TBC1D19: variants seen among roughly 807,000 people sequenced by gnomAD.
The protein encoded by TBC1D19 is TBC1 domain family, member 19.
A neutral mutation model predicts 89.0 loss-of-function variants in TBC1D19; 60 were observed. That is an observed-to-expected ratio of 0.67 (90% CI 0.55 to 0.84). The LOEUF (loss-of-function observed/expected upper bound fraction) is 0.84. Ranked by LOEUF, TBC1D19 falls within the 40% of genes least tolerant of loss-of-function variation. The probability of loss-of-function intolerance (pLI) is 0.00; values close to 1 mark genes in which losing one functional copy is unlikely to be tolerated. For missense variants in TBC1D19, 500 were observed against 610.8 expected, an observed-to-expected ratio of 0.82 and a Z score of 1.91; for synonymous variants, 189 against 199.7, an observed-to-expected ratio of 0.95 and a Z score of 0.45.
intron 13 of TBC1D19, among the ~76,000 whole-genome samples, chr4:26,708,910 C>A (rs1401547138): frequency 2.0e-5 from 3 of 150,892 alleles, no homozygotes; most frequent in Non-Finnish European, 4.4e-5. Context: ...TTTTGAGAAT[C>A]TATGGACAGT....
chr4:26,613,976 C>T (rs555612264), intron 2 of TBC1D19, among the ~76,000 whole-genome samples: 1 of 152,182 alleles, frequency 6.6e-6, no homozygotes, highest in African/African-American at 2.4e-5. Flanking sequence ...TAATCTGCCT[C>T]TGTCGTCCAG....
chr4:26,657,849 T>A (rs1350866430), intron 7 of TBC1D19, among the ~76,000 whole-genome samples: 1 of 152,258 alleles, frequency 6.6e-6, no homozygotes, highest in Admixed American at 6.5e-5. Flanking sequence ...ATGATGAGCA[T>A]TTTTTATATG....
intron 8 of TBC1D19, among the ~76,000 whole-genome samples, chr4:26,664,345 A>G (rs187718641): frequency 1.7e-3 from 255 of 152,288 alleles, no homozygotes; most frequent in Admixed American, 4.4e-3. Context: ...GTCCAGAGCA[A>G]TGAAGTAGGA....
intron 1 of TBC1D19, among the ~76,000 whole-genome samples, chr4:26,602,855 C>A (rs1379052649): frequency 1.3e-5 from 2 of 151,846 alleles, no homozygotes; most frequent in Non-Finnish European, 2.9e-5. Context: ...TACATCTCAT[C>A]CCTTGAATAC....
chr4:26,829,721 G>A, the TBC1D19 span, among the ~76,000 whole-genome samples: 1 of 152,182 alleles, frequency 6.6e-6, no homozygotes, highest in South Asian at 2.1e-4. Context: ...TTAGAGGCAG[G>A]TAAGGTTTGT....
At chr4:26,655,693 G>C (rs989836966) in intron 7 of TBC1D19, among the ~76,000 whole-genome samples, 3 of 152,188 alleles carry the variant, frequency 2.0e-5, no homozygotes, top group Non-Finnish European at 4.4e-5. Flanking sequence ...ACAATATCCT[G>C]GTGTGCCGTT....
the TBC1D19 span, among the ~76,000 whole-genome samples, chr4:26,767,608 A>G: frequency 6.6e-6 from 1 of 152,208 alleles, no homozygotes; most frequent in East Asian, 1.9e-4. Context: ...TGGTGGCACT[A>G]TAAGGCAAGA....
In TBC1D19 at chr4:26,745,718, G is replaced by A. The variant is rs149670166; in HGVS notation, c.1320-2693G>A. 5.3e-5 allele frequency among the ~76,000 whole-genome samples: 8 copies of A among 151,696 alleles called. No homozygotes were observed. The East Asian group carries it at 1.6e-3, about 29-fold the overall frequency. ...GTAGAGACGGGGTTTCACCATGTTG[G>A]CCAGACTGGTCTCGGACTCCTGACC... On this transcript the variant is annotated intron_variant, in intron 18 of 20. Transcript: ENST00000264866.
At chr4:26,791,494 A>G in the TBC1D19 span, among the ~76,000 whole-genome samples, 1 of 152,158 alleles carries the variant, frequency 6.6e-6, no homozygotes, top group African/African-American at 2.4e-5. Context: ...GATTGAAAGG[A>G]TCACTCTGCC....
chr4:26,858,554 A>C, the TBC1D19 span: 1 of 152,274 alleles, frequency 6.6e-6, no homozygotes, highest in Non-Finnish European at 1.5e-5. Flanking sequence ...AGAAGCATAT[A>C]TAATTCTAGG....
At chr4:26,783,626 G>A in the TBC1D19 span, among the ~76,000 whole-genome samples, 2 of 152,270 alleles carry the variant, frequency 1.3e-5, no homozygotes, top group South Asian at 4.2e-4. Flanking sequence ...TTATGCAAAA[G>A]AACTTGTCAT....
At chr4:26,735,683 T>C (rs1718003760) in intron 16 of TBC1D19, among the ~76,000 whole-genome samples, 196 bp downstream of exon 16, 1 of 152,004 alleles carries the variant, frequency 6.6e-6, no homozygotes, top group African/African-American at 2.4e-5. Flanking sequence ...CATTAGAAAA[T>C]TGAACAAAAA....
chr4:26,703,948 G>A (rs1477298306), intron 13 of TBC1D19, among the ~76,000 whole-genome samples: 1 of 122,382 alleles, frequency 8.2e-6, no homozygotes, highest in African/African-American at 3.3e-5. Context: ...GCAAAAGAGT[G>A]AGACTCCGTC....
chr4:26,848,208 A>G, the TBC1D19 span, among the ~76,000 whole-genome samples: 1 of 152,220 alleles, frequency 6.6e-6, no homozygotes, highest in Non-Finnish European at 1.5e-5. Context: ...GGGTCTGAAT[A>G]GAATGAAACG....
At position 26,640,057 on chromosome 4, in the gene TBC1D19, CAT is replaced by C. The variant is rs112884183; in HGVS notation, c.434-83_434-82del. ...TTGAATTAATCTATCTGTATGATAACATGTGAAAGAATGATTAACATTTATTT... is the reference window on the plus strand; with the variant it reads ...TTGAATTAATCTATCTGTATGATAACGTGAAAGAATGATTAACATTTATTT... On this transcript the variant is annotated intron_variant, in intron 6 of 20. Transcript: ENST00000264866. The C allele has an allele frequency of 3.5e-4, 323 of 934,918 alleles. 1 individual carries two copies. The African/African-American group carries it at 4.4e-3, about 13-fold the overall frequency. The allele number at this position is 934,918 out of a possible 1,614,324, so 57.9% of individuals were successfully genotyped here. A position where few individuals can be genotyped will look rare whatever the true frequency, so the allele number is the denominator to read the frequency against.
chr4:26,764,235 T>C, the TBC1D19 span, among the ~76,000 whole-genome samples: 2 of 152,212 alleles, frequency 1.3e-5, no homozygotes, highest in Admixed American at 1.3e-4. Flanking sequence ...ATGAATTATA[T>C]TATTGATGAA....
intron 7 of TBC1D19, among the ~76,000 whole-genome samples, chr4:26,642,644 A>G (rs935673805): frequency 6.6e-6 from 1 of 152,220 alleles, no homozygotes; most frequent in Non-Finnish European, 1.5e-5. Flanking sequence ...CAAATTGGAT[A>G]AAGAGTCAAG....
the TBC1D19 span, among the ~76,000 whole-genome samples, chr4:26,842,824 T>C: frequency 6.6e-6 from 1 of 152,038 alleles, no homozygotes; most frequent in South Asian, 2.1e-4. Flanking sequence ...CCATGTTTTC[T>C]TAATGAAATA....
the TBC1D19 span, chr4:26,857,920 A>G: frequency 6.6e-6 from 1 of 152,280 alleles, no homozygotes; most frequent in Admixed American, 6.5e-5. Context: ...TTTGCAAGAA[A>G]ATGCAATCAA....
Sources: gnomAD v4.1 joint callset for allele counts (sites outside exome capture counted in the v4.1 genomes callset) on GRCh38, gnomAD v4.1.1 for gene constraint, MANE v1.5 for transcripts, NCBI Gene and HGNC (gene_info 2026-07-23, HGNC 2026-07-21) for gene names.